Variants in TPST2 observed in about 807,000 individuals in gnomAD.
The protein encoded by TPST2 is tyrosylprotein sulfotransferase 2.
Under a neutral mutation model 27.8 loss-of-function variants are expected in TPST2, and 16 were observed. The ratio of observed to expected loss-of-function variants is 0.58; its 90% CI spans 0.39 to 0.88. The LOEUF (loss-of-function observed/expected upper bound fraction) is 0.88. Among genes scored for constraint, TPST2 ranks in the 40% least tolerant of loss-of-function variants. The pLI, the probability that TPST2 is intolerant of heterozygous loss-of-function variation, is 0.00. For missense variants in TPST2, 464 were observed against 543.1 expected (o/e 0.85, Z 1.45); for synonymous variants, 229 against 231.7 (o/e 0.99, Z 0.10).
intron 1 of TPST2, among the ~76,000 whole-genome samples, chr22:26,568,942 C>T (rs1397637012): frequency 3.4e-5 from 5 of 146,866 alleles, no homozygotes; most frequent in African/African-American, 1.3e-4. Context: ...CGGCTCACTG[C>T]AAGCTCCGCC....
chr22:26,536,116 G>A, intron 4 of TPST2, 172 bp downstream of exon 4: 1 of 979,962 alleles, frequency 1.0e-6, no homozygotes, highest in Non-Finnish European at 1.6e-6. Context: ...TGCAGCCCAA[G>A]CAAAATGGAA....
At chr22:26,536,179 G>T in intron 4 of TPST2, 109 bp downstream of exon 4, 3 of 1,315,010 alleles carry the variant, frequency 2.3e-6, no homozygotes, top group Non-Finnish European at 3.2e-6. Context: ...CAAATCAGAT[G>T]ACCAGGAATT....
chr22:26,554,238 T>C (rs1193994618), intron 1 of TPST2, among the ~76,000 whole-genome samples: 2 of 152,188 alleles, frequency 1.3e-5, no homozygotes, highest in East Asian at 1.9e-4. Flanking sequence ...GGGGAAGCTA[T>C]GTGCCCCAGG....
chr22:26,566,521 CCAA>C (rs1927386742), intron 1 of TPST2, among the ~76,000 whole-genome samples: 1 of 151,616 alleles, frequency 6.6e-6, no homozygotes, highest in Non-Finnish European at 1.5e-5. Context: ...CCACTGAACT[CCAA>C]CTTGGTGACA....
chr22:26,589,968 G>A (rs1378114533), intron 1 of TPST2, 85 bp downstream of exon 1: 1 of 151,730 alleles, frequency 6.6e-6, no homozygotes, highest in African/African-American at 2.4e-5. Flanking sequence ...GGGCTGCCAG[G>A]CGCCCGAGGC....
At chr22:26,570,399 C>T (rs1228847864) in intron 1 of TPST2, among the ~76,000 whole-genome samples, 9 of 152,180 alleles carry the variant, frequency 5.9e-5, no homozygotes, top group Non-Finnish European at 8.8e-5. Flanking sequence ...AGCCAGGCCA[C>T]GGTGGCTTTT....
At position 26,580,941 on chromosome 22, in the gene TPST2, A is replaced by G. The variant is rs558080429; in HGVS notation, c.-161+9112T>C. ...ATTCAAGTCCTTTGGCATCGCACTG[A>G]GGCTCTGTTGTGACTTAACTCCTGC... On this transcript the variant is annotated intron_variant, in intron 1 of 6. Transcript: ENST00000338754. 5.3e-5 allele frequency among the ~76,000 whole-genome samples: 8 copies of G among 152,086 alleles called. No individual in the cohort carries two copies. The South Asian group carries it at 1.0e-3, about 20-fold the overall frequency.
intron 1 of TPST2, among the ~76,000 whole-genome samples, chr22:26,555,615 CATA>C (rs1162357794): frequency 3.3e-5 from 5 of 152,260 alleles, no homozygotes; most frequent in African/African-American, 4.8e-5. Flanking sequence ...CAGTCCTGCC[CATA>C]ATGAGTGTCA....
intron 3 of TPST2, among the ~76,000 whole-genome samples, chr22:26,536,915 C>G (rs1269280070): frequency 6.6e-6 from 1 of 152,056 alleles, no homozygotes; most frequent in Non-Finnish European, 1.5e-5. Context: ...GGCATGGTAA[C>G]AAGCGCCTGT....
chr22:26,573,932 G>A (rs570882168), intron 1 of TPST2, among the ~76,000 whole-genome samples: 15 of 152,122 alleles, frequency 9.9e-5, no homozygotes, highest in Non-Finnish European at 1.5e-4. Flanking sequence ...AGGAAGAACC[G>A]GAAGAATTGC....
At position 26,524,346 on chromosome 22, in the gene TPST2, G is replaced by A. The variant is rs5761581; in HGVS notation, c.*1929C>T. 0.3 allele frequency: 44,030 copies of A among 148,916 alleles called. 7,199 individuals carry two copies. Among genetic ancestry groups the A allele is most frequent in the African/African-American group, 0.45 (18,399 of 40,772 alleles). 9.2% of individuals were successfully genotyped at this position (148,916 alleles called of 1,614,324 possible). On this transcript the variant is annotated 3_prime_UTR_variant, in exon 7 of 7. Coordinates refer to ENST00000338754, the MANE Select transcript of TPST2 (RefSeq NM_003595.5). Reference sequence around the variant, plus strand: ...AGCATAGAAAGACCTCGTCTCTACAGAAAAAAAAAAATTTAAAAAGTAGCC... The same window carrying A: ...AGCATAGAAAGACCTCGTCTCTACAAAAAAAAAAAAATTTAAAAAGTAGCC...
chr22:26,557,830 T>C (rs1159089571), intron 1 of TPST2, among the ~76,000 whole-genome samples: 2 of 144,416 alleles, frequency 1.4e-5, no homozygotes, highest in African/African-American at 5.1e-5. Flanking sequence ...GAGGATTGCT[T>C]GAGCTCTGGA....
intron 1 of TPST2, among the ~76,000 whole-genome samples, chr22:26,570,145 C>T (rs893367134): frequency 3.3e-5 from 5 of 152,094 alleles, no homozygotes; most frequent in African/African-American, 1.2e-4. Context: ...AATGGTGTTG[C>T]TGGCTGGGGT....
In TPST2 at chr22:26,532,734, C is replaced by T. The variant is rs752318155; in HGVS notation, c.1053G>A (p.Gly351=). 3.1e-6 allele frequency: 5 copies of T among 1,613,470 alleles called. No homozygotes were observed. Among genetic ancestry groups the T allele is most frequent in the African/African-American group, 2.7e-5 (2 of 74,842 alleles). ...TCAGATTGGCTGGTGTTTTATAGTC[C>T]CCTTTCAAGACCTAAGGAAGAGAAA... ...VINNTQRVLK[G]DYKTPANLKG... The change falls in exon 5 of 7, where the codon GGG becomes GGA. Residue 351 remains glycine, a synonymous_variant. Transcript: ENST00000338754.
intron 1 of TPST2, among the ~76,000 whole-genome samples, chr22:26,575,865 G>A (rs1927813558): frequency 6.6e-6 from 1 of 152,072 alleles, no homozygotes; most frequent in Admixed American, 6.5e-5. Context: ...GCCTGGTGAT[G>A]TGTGCTTGTA....
chr22:26,552,212 T>C lies in TPST2; in HGVS notation c.-160-7537A>G, dbSNP rs151204679. ...TGTTAGGATCAGTCATTACAGCACA[T>C]GGATAAAGACTGGCAGGGACATACA... On this transcript the variant is annotated intron_variant, in intron 1 of 6. Transcript: ENST00000338754. Among the ~76,000 whole-genome samples, 290 of 152,222 alleles carry C rather than the reference T, an allele frequency of 1.9e-3. 2 individuals carry two copies. The highest frequency in any genetic ancestry group is 8.3e-3 in the South Asian group (40 of 4,818).
chr22:26,574,004 G>A (rs1030330291), intron 1 of TPST2, among the ~76,000 whole-genome samples: 6 of 152,192 alleles, frequency 3.9e-5, no homozygotes, highest in Non-Finnish European at 8.8e-5. Context: ...AAACCCACGA[G>A]AGAGAAGGGG....
rs1927936847 is a variant in TPST2 at position 26,578,206 on chromosome 22, T to G, written c.-161+11847A>C. Among the ~76,000 whole-genome samples, 5 of 152,258 alleles carry G rather than the reference T, an allele frequency of 3.3e-5. No homozygotes were observed. In the South Asian group the frequency reaches 8.3e-4, roughly 25 times the overall value. ...ATCTATGAGGACAGTGCTCTGTCAT[T>G]CCATTTTACAGCTGAGGAAGCCAAG... On this transcript the variant is annotated intron_variant, in intron 1 of 6. Transcript: ENST00000338754.
intron 3 of TPST2, among the ~76,000 whole-genome samples, chr22:26,537,413 G>C (rs1043397700): frequency 6.6e-6 from 1 of 152,206 alleles, no homozygotes; most frequent in African/African-American, 2.4e-5. Flanking sequence ...GAGTAAATGA[G>C]TTAATACAAA....
Sources: allele counts gnomAD v4.1 joint callset (sites outside exome capture counted in the v4.1 genomes callset), GRCh38; gene constraint gnomAD v4.1.1; transcripts MANE v1.5; gene names NCBI Gene and HGNC (gene_info 2026-07-23, HGNC 2026-07-21).